The following FARP1 variants were observed in gnomAD, a reference collection of about 807,000 sequenced individuals.
FARP1 encodes FERM, ARH/RhoGEF and pleckstrin domain protein 1, also known as FERM, ARHGEF and pleckstrin domain-containing protein 1.
In FARP1, 52 loss-of-function variants were observed where a neutral mutation model predicts 128.8. The observed-to-expected ratio is 0.40, with a 90% CI of 0.32 to 0.51. The LOEUF (loss-of-function observed/expected upper bound fraction) is 0.51, where lower values mean the gene tolerates loss of function less well. Ranked by LOEUF, FARP1 falls within the 20% of genes least tolerant of loss-of-function variation. FARP1 has a pLI of 0.45. For synonymous variants in FARP1, 580 were observed against 551.8 expected (o/e 1.05, Z -0.72); for missense variants, 1,333 against 1,367.9 (o/e 0.97, Z 0.40).
chr13:98,153,501 ATATG>A (rs1207194732), intron 1 of FARP1, among the ~76,000 whole-genome samples: 1 of 132,052 alleles, frequency 7.6e-6, no homozygotes, highest in African/African-American at 2.7e-5. Flanking sequence ...TTATATAAAA[ATATG>A]TATAAATATA....
chr13:98,244,675 T>A, intron 2 of FARP1: 1 of 1,614,204 alleles, frequency 6.2e-7, no homozygotes, highest in African/African-American at 1.3e-5. Flanking sequence ...AGCTTAGCGG[T>A]CACAGTCACT....
intron 14 of FARP1, 63 bp from the exon 15 acceptor site, chr13:98,410,671 A>G: frequency 2.6e-6 from 2 of 772,844 alleles, no homozygotes; most frequent in South Asian, 3.1e-5. Flanking sequence ...TAATGAGGAC[A>G]TTCTCCGAGA....
intron 2 of FARP1, among the ~76,000 whole-genome samples, chr13:98,252,650 C>G (rs779948774): frequency 1.3e-5 from 2 of 152,202 alleles, no homozygotes; most frequent in African/African-American, 2.4e-5. Context: ...TATCTCTGTA[C>G]TGTGTTCTTT....
At chr13:98,150,863 G>A (rs1329025591) in intron 1 of FARP1, among the ~76,000 whole-genome samples, 1 of 152,032 alleles carries the variant, frequency 6.6e-6, no homozygotes, top group Non-Finnish European at 1.5e-5. Flanking sequence ...ACTGAGTTGT[G>A]TTTGTTCTTT....
intron 1 of FARP1, among the ~76,000 whole-genome samples, chr13:98,187,365 G>A (rs151207560): frequency 5.3e-5 from 8 of 152,272 alleles, no homozygotes; most frequent in Admixed American, 6.5e-5. Flanking sequence ...ATAAGGCACC[G>A]TATGATAAGT....
chr13:98,312,143 T>TTTTTTTTTC (rs1886491157), intron 2 of FARP1, among the ~76,000 whole-genome samples: 1 of 135,270 alleles, frequency 7.4e-6, no homozygotes, highest in Non-Finnish European at 1.6e-5. Context: ...TGCTTTTTTT[T>TTTTTTTTTC]TTTTTTTTTT....
At chr13:98,434,884 C>T (rs186881725) in intron 18 of FARP1, 17 of 152,408 alleles carry the variant, frequency 1.1e-4, no homozygotes, top group African/African-American at 4.1e-4. Flanking sequence ...ATCCCAGCTA[C>T]TCGGGAGGCT....
chr13:98,444,290 A>G (rs1452893253), intron 24 of FARP1, among the ~76,000 whole-genome samples: 3 of 152,078 alleles, frequency 2.0e-5, no homozygotes. Flanking sequence ...TGTCCATGTG[A>G]GGTCACCATT....
chr13:98,185,235 G>A (rs1878782338), intron 1 of FARP1, among the ~76,000 whole-genome samples: 1 of 151,980 alleles, frequency 6.6e-6, no homozygotes, highest in Admixed American at 6.6e-5. Context: ...ATAATAACTG[G>A]CTGGTAAAAA....
intron 2 of FARP1, among the ~76,000 whole-genome samples, chr13:98,263,342 A>G (rs1456202646): frequency 6.6e-6 from 1 of 152,200 alleles, no homozygotes; most frequent in East Asian, 1.9e-4. Flanking sequence ...ATGTTTAGAA[A>G]GAATCCCTAT....
chr13:98,384,536 C>A, intron 6 of FARP1, 194 bp from the exon 7 acceptor site: 2 of 592,044 alleles, frequency 3.4e-6, no homozygotes, highest in Non-Finnish European at 6.0e-6. Context: ...GGGGAGAAAA[C>A]TGTCTTCTCA....
At chr13:98,148,067 A>T (rs1875702078) in intron 1 of FARP1, among the ~76,000 whole-genome samples, 1 of 114,304 alleles carries the variant, frequency 8.7e-6, no homozygotes, top group African/African-American at 2.9e-5. Flanking sequence ...GATTGTAAAA[A>T]GACAGAGGTT....
Position 98,308,280 on chromosome 13 carries a change from ATAT to A in FARP1, c.172-35480_172-35478del, listed in dbSNP as rs559359404. ...TAATCAGGTAGTAGGTGTTCAGCAA[ATAT>A]TCAGTGAATCGATTTCAAGGTCACC... On this transcript the variant is annotated intron_variant, in intron 2 of 26. Transcript: ENST00000319562. 3.3e-4 allele frequency among the ~76,000 whole-genome samples: 51 copies of A among 152,256 alleles called. No individual in the cohort carries two copies. In the South Asian group the frequency reaches 1.0e-2, roughly 30 times the overall value.
intron 11 of FARP1, among the ~76,000 whole-genome samples, chr13:98,392,261 G>A (rs2140061398): frequency 6.7e-6 from 1 of 148,900 alleles, no homozygotes; most frequent in African/African-American, 2.5e-5. Flanking sequence ...GAAGTGGGTG[G>A]ATCACTTGAG....
chr13:98,147,865 A>G (rs1432301009), intron 1 of FARP1, among the ~76,000 whole-genome samples: 1 of 151,934 alleles, frequency 6.6e-6, no homozygotes, highest in Admixed American at 6.6e-5. Context: ...TCTCACCGCT[A>G]TGTTGCCCAG....
At chr13:98,400,992 A>G (rs375903930) in intron 13 of FARP1, 1 of 152,200 alleles carries the variant, frequency 6.6e-6, no homozygotes, top group African/African-American at 2.4e-5. Flanking sequence ...TCTGATTACA[A>G]AAATTCAAAA....
chr13:98,389,853 G>A, intron 9 of FARP1, 104 bp from the exon 10 acceptor site: 1 of 1,132,032 alleles, frequency 8.8e-7, no homozygotes, highest in Non-Finnish European at 1.3e-6. Context: ...AAAATACACA[G>A]CGAAAACTTT....
chr13:98,302,890 G>A (rs1885981958), intron 2 of FARP1, among the ~76,000 whole-genome samples: 1 of 152,166 alleles, frequency 6.6e-6, no homozygotes, highest in Non-Finnish European at 1.5e-5. Context: ...AGAGCAGGGA[G>A]TATCAGGCCC....
At position 98,383,146 on chromosome 13, in the gene FARP1, C is replaced by T. The variant is rs1204465701; in HGVS notation, c.497-1584C>T. 3.9e-5 allele frequency among the ~76,000 whole-genome samples: 6 copies of T among 152,174 alleles called. No individual in the cohort carries two copies. The East Asian group carries it at 1.2e-3, about 29-fold the overall frequency. ...CAGTGTTTATGGTAACCTTGTAGAT[C>T]ATAACTGCCTCGAATAATGAGCATC... On this transcript the variant is annotated intron_variant, in intron 6 of 26. Coordinates refer to ENST00000319562, the MANE Select transcript of FARP1 (RefSeq NM_005766.4).
Sources: gnomAD v4.1 joint callset for allele counts (sites outside exome capture counted in the v4.1 genomes callset) on GRCh38, gnomAD v4.1.1 for gene constraint, MANE v1.5 for transcripts, NCBI Gene and HGNC (gene_info 2026-07-23, HGNC 2026-07-21) for gene names.